The following MOSPD2 variants were observed in gnomAD, a reference collection of about 807,000 sequenced individuals.
MOSPD2 encodes motile sperm domain-containing protein 2.
Under a neutral mutation model 41.7 loss-of-function variants are expected in MOSPD2, and 5 were observed. That is an observed-to-expected ratio of 0.12 (90% CI 0.06 to 0.25). MOSPD2 has a LOEUF of 0.25. Ranked by LOEUF, MOSPD2 falls within the 10% of genes least tolerant of loss-of-function variation. The pLI is 1.00. For missense variants in MOSPD2, 282 were observed against 375.2 expected (o/e 0.75, Z 2.05); for synonymous variants, 115 against 126.9 (o/e 0.91, Z 0.63).
At chrX:14,909,055 G>A in intron 8 of MOSPD2, 71 bp downstream of exon 8, 3 of 889,850 alleles carry the variant, frequency 3.4e-6, no homozygotes, top group East Asian at 4.0e-5. Flanking sequence ...TTTCCTCAAG[G>A]GAAAAAGAAA....
intron 11 of MOSPD2, among the ~76,000 whole-genome samples, chrX:14,915,156 C>T (rs1403870942): frequency 8.9e-6 from 1 of 111,775 alleles, no homozygotes; most frequent in Non-Finnish European, 1.9e-5. Context: ...AATTTCTGAA[C>T]ACCATGGTAT....
intron 3 of MOSPD2, among the ~76,000 whole-genome samples, 156 bp from the exon 4 acceptor site, chrX:14,895,152 C>T (rs1368210535): frequency 8.9e-6 from 1 of 111,924 alleles, no homozygotes; most frequent in Non-Finnish European, 1.9e-5. Context: ...TGGTAGGAAG[C>T]ACCACTTTAT....
chrX:14,910,155 C>A (rs7064292), intron 8 of MOSPD2, among the ~76,000 whole-genome samples: 6,522 of 108,591 alleles, frequency 0.06, 248 homozygotes, highest in African/African-American at 0.12. Context: ...TATTTTTTTT[C>A]AAAAAATAAT....
intron 14 of MOSPD2, 23 bp downstream of exon 14, chrX:14,918,805 CA>C (rs1299645677): frequency 1.0e-6 from 1 of 1,000,334 alleles, no homozygotes; most frequent in Non-Finnish European, 1.4e-6. Flanking sequence ...TCTTCCTACC[CA>C]AACAAAGTTG....
intron 2 of MOSPD2, among the ~76,000 whole-genome samples, chrX:14,885,134 A>G (rs1382152172): frequency 1.8e-5 from 2 of 111,739 alleles, no homozygotes; most frequent in Non-Finnish European, 3.8e-5. Flanking sequence ...CTCCTGCCCA[A>G]CTAGTACAGA....
intron 7 of MOSPD2, 42 bp downstream of exon 7, chrX:14,903,046 CCTTTA>C (rs760353779): frequency 6.6e-6 from 6 of 905,033 alleles, no homozygotes; most frequent in South Asian, 6.2e-5. Context: ...TGTCTAATTT[CCTTTA>C]CTTTGCCGAT....
At chrX:14,891,247 G>A (rs1042001278) in intron 2 of MOSPD2, among the ~76,000 whole-genome samples, 2 of 112,112 alleles carry the variant, frequency 1.8e-5, no homozygotes, top group African/African-American at 6.5e-5. Flanking sequence ...AAGGAGACTT[G>A]CAGAATGGTA....
At chrX:14,874,682 T>A (rs759819812) in intron 2 of MOSPD2, among the ~76,000 whole-genome samples, 13 of 112,135 alleles carry the variant, frequency 1.2e-4, no homozygotes, top group Non-Finnish European at 2.4e-4. Context: ...ACATCTTGAC[T>A]AGTACTCAGC....
At chrX:14,908,153 A>C (rs539192403) in intron 7 of MOSPD2, among the ~76,000 whole-genome samples, 1 of 111,914 alleles carries the variant, frequency 8.9e-6, no homozygotes, top group Non-Finnish European at 1.9e-5. Flanking sequence ...TTAAGCATAA[A>C]TAAGAAATGA....
In MOSPD2 at chrX:14,921,402, T is replaced by C; in HGVS notation, c.*1593T>C. ...CAGTTTGCCACCTCCAGCTGTGAAA[T>C]GGACTGCAGTCCACCCTAAGTACTG... On this transcript the variant is annotated 3_prime_UTR_variant, in exon 15 of 15. Coordinates refer to ENST00000380492, the MANE Select transcript of MOSPD2 (RefSeq NM_152581.4). 1.1e-6 allele frequency: 1 copy of C among 937,662 alleles called. No individual in the cohort carries two copies. Among genetic ancestry groups the C allele is most frequent in the African/African-American group, 2.0e-5 (1 of 49,430 alleles). The allele number at this position is 937,662 out of a possible 1,213,427, so 77.3% of individuals were successfully genotyped here.
intron 2 of MOSPD2, among the ~76,000 whole-genome samples, chrX:14,879,874 AT>A (rs2092528231): frequency 9.1e-6 from 1 of 110,441 alleles, no homozygotes; most frequent in African/African-American, 3.3e-5. Context: ...GGGAGATCTC[AT>A]TGTGGTTTTA....
rs1312090595 is a variant in MOSPD2 at position 14,919,871 on chromosome X, C to T, written c.*62C>T. 1.1e-5 allele frequency: 13 copies of T among 1,150,460 alleles called. No homozygotes were observed. Among genetic ancestry groups the T allele is most frequent in the Non-Finnish European group, 1.5e-5 (13 of 867,698 alleles). 94.8% of individuals were successfully genotyped at this position (1,150,460 alleles called of 1,213,427 possible). A position where few individuals can be genotyped will look rare whatever the true frequency, so the allele number is the denominator to read the frequency against. ...CCATTAGTTGGAAAAAGTAACAGAC[C>T]TAAAACTCTACCAAGCTACTAAAAA... On this transcript the variant is annotated 3_prime_UTR_variant, in exon 15 of 15. Coordinates refer to ENST00000380492, the MANE Select transcript of MOSPD2 (RefSeq NM_152581.4).
At chrX:14,875,938 T>C (rs2092519398) in intron 2 of MOSPD2, among the ~76,000 whole-genome samples, 1 of 111,881 alleles carries the variant, frequency 8.9e-6, no homozygotes, top group Non-Finnish European at 1.9e-5. Context: ...CGTAGCAGCC[T>C]ATAGACATTG....
chrX:14,903,038 T>G (rs1212521698), intron 7 of MOSPD2, 34 bp downstream of exon 7: 2 of 949,853 alleles, frequency 2.1e-6, no homozygotes, highest in East Asian at 6.2e-5. Context: ...AAACAAAATG[T>G]CTAATTTCCT....
chrX:14,911,603 C>T (rs919709766), intron 9 of MOSPD2, among the ~76,000 whole-genome samples, 190 bp downstream of exon 9: 6 of 112,029 alleles, frequency 5.4e-5, no homozygotes, highest in African/African-American at 1.9e-4. Flanking sequence ...AAGTCTGATT[C>T]CAGGCCAGGG....
rs766009045 is a variant in MOSPD2, at chrX:14,908,930, T to A, written c.648T>A (p.Asn216Lys). The A allele has an allele frequency of 1.7e-6, 2 of 1,196,894 alleles. No homozygotes were observed. Among genetic ancestry groups the A allele is most frequent in the Admixed American group, 4.4e-5 (2 of 45,720 alleles). Residue 216 changes from asparagine (N) to lysine (K), a missense_variant, in exon 8 of 15, where the codon AAT becomes AAA. This residue lies in a region of MOSPD2 where 187 missense variants were observed against 256.6 expected (regional missense o/e 0.73). Transcript: ENST00000380492. The stretch of plus-strand genomic sequence containing the variant: ...GCTTGTTGAAGTTTACAAGCAAAAA[T>A]GAAGTCCAGGACTATGTCAGTGTAG... ...AVSLLKFTSK[N>K]EVQDYVSVEY... is the part of the protein sequence containing the mutation.
chrX:14,917,138 C>T (rs1383348369), intron 13 of MOSPD2, among the ~76,000 whole-genome samples: 1 of 111,447 alleles, frequency 9.0e-6, no homozygotes, highest in Non-Finnish European at 1.9e-5. Context: ...CACAGGACAG[C>T]CCCATCCCCC....
chrX:14,905,251 A>G (rs1312751566), intron 7 of MOSPD2, among the ~76,000 whole-genome samples: 1 of 111,943 alleles, frequency 8.9e-6, no homozygotes, highest in African/African-American at 3.3e-5. Flanking sequence ...AAGAAGTTCA[A>G]GACAAGGACA....
rs1164022321 is a variant in MOSPD2, at chrX:14,921,789, A to G, written c.*1980A>G. On this transcript the variant is annotated 3_prime_UTR_variant, in exon 15 of 15. Coordinates refer to ENST00000380492, the MANE Select transcript of MOSPD2 (RefSeq NM_152581.4). The stretch of plus-strand genomic sequence containing the variant: ...ACTTGTCTTGATTAATCATATATTT[A>G]CACTTGATTTTTTTCTGTCTTCATT... The G allele has an allele frequency of 8.5e-6, 1 of 117,760 alleles. No homozygotes were observed. The highest frequency in any genetic ancestry group is 3.2e-5 in the African/African-American group (1 of 31,089). The allele number at this position is 117,760 out of a possible 1,213,427, so 9.7% of individuals were successfully genotyped here.
Sources: allele counts gnomAD v4.1 joint callset (sites outside exome capture counted in the v4.1 genomes callset), GRCh38; gene constraint gnomAD v4.1.1; regional missense constraint gnomAD v4.1.1; transcripts MANE v1.5; gene names NCBI Gene and HGNC (gene_info 2026-07-23, HGNC 2026-07-21).